Variants in CAMK4 observed in about 807,000 individuals in gnomAD.
CAMK4 encodes the protein calcium/calmodulin-dependent protein kinase type IV.
Under a neutral mutation model 44.9 loss-of-function variants are expected in CAMK4, and 22 were observed. The observed-to-expected ratio is 0.49, with a 90% CI of 0.35 to 0.70. The LOEUF (loss-of-function observed/expected upper bound fraction) is 0.70, where lower values mean the gene tolerates loss of function less well. Ranked by LOEUF, CAMK4 falls within the 30% of genes least tolerant of loss-of-function variation. The pLI is 0.01. For missense variants in CAMK4, 498 were observed against 586.8 expected, an observed-to-expected ratio of 0.85 and a Z score of 1.56; for synonymous variants, 218 against 215.4, an observed-to-expected ratio of 1.01 and a Z score of -0.11.
rs549788240 is a variant in CAMK4, at chr5:111,324,068, T to A, written c.162-19956T>A. Among the ~76,000 whole-genome samples the A allele has an allele frequency of 5.5e-4, 83 of 152,024 alleles. 3 individuals are homozygous for A. In the South Asian group the frequency reaches 0.016, roughly 30 times the overall value. On this transcript the variant is annotated intron_variant, in intron 1 of 10. Coordinates refer to ENST00000282356, the MANE Select transcript of CAMK4 (RefSeq NM_001744.6). ...ATACTATAATCCTGAGGACAACCACTAACAAAATAATAAAATATCCCTTAA... is the reference window on the plus strand; with the variant it reads ...ATACTATAATCCTGAGGACAACCACAAACAAAATAATAAAATATCCCTTAA...
At chr5:111,357,059 G>A (rs1580644873) in intron 2 of CAMK4, among the ~76,000 whole-genome samples, 1 of 152,148 alleles carries the variant, frequency 6.6e-6, no homozygotes, top group East Asian at 1.9e-4. Flanking sequence ...CTCAAATTAT[G>A]ACATTTAACC....
intron 5 of CAMK4, among the ~76,000 whole-genome samples, chr5:111,442,181 A>T (rs759312181): frequency 2.6e-5 from 4 of 152,136 alleles, no homozygotes; most frequent in Non-Finnish European, 5.9e-5. Context: ...TGTGATGTCA[A>T]AATCATTTTA....
intron 1 of CAMK4, among the ~76,000 whole-genome samples, chr5:111,301,217 A>T (rs1219597935): frequency 6.6e-6 from 1 of 152,220 alleles, no homozygotes; most frequent in Non-Finnish European, 1.5e-5. Flanking sequence ...TCCTAGCATA[A>T]TTGAAAAGAT....
intron 4 of CAMK4, among the ~76,000 whole-genome samples, chr5:111,380,964 G>A (rs1432702447): frequency 2.0e-5 from 3 of 152,094 alleles, no homozygotes; most frequent in African/African-American, 7.2e-5. Context: ...TCAACTTTAA[G>A]CCAGGGCATT....
intron 1 of CAMK4, among the ~76,000 whole-genome samples, chr5:111,232,601 G>T (rs981877919): frequency 2.0e-5 from 3 of 152,098 alleles, no homozygotes; most frequent in African/African-American, 7.2e-5. Flanking sequence ...GAGTAGGCTT[G>T]TGTCACTTGA....
At chr5:111,366,231 C>G (rs1750788750) in intron 2 of CAMK4, among the ~76,000 whole-genome samples, 1 of 152,052 alleles carries the variant, frequency 6.6e-6, no homozygotes, top group Non-Finnish European at 1.5e-5. Flanking sequence ...AAGCCAAAGA[C>G]AGAATACAGA....
chr5:111,451,059 A>G (rs1754214791), intron 7 of CAMK4, among the ~76,000 whole-genome samples: 2 of 152,196 alleles, frequency 1.3e-5, no homozygotes, highest in African/African-American at 2.4e-5. Context: ...TGAAGCATAT[A>G]TGTGATTAAA....
In CAMK4 at chr5:111,293,671, C is replaced by T. The variant is rs187769496; in HGVS notation, c.162-50353C>T. On this transcript the variant is annotated intron_variant, in intron 1 of 10. Transcript: ENST00000282356. ...CGAACTACTGACCTTGTGATCCACCCGCCTCAGCCTCCCAAAGTGCTGTGA... is the reference window on the plus strand; with the variant it reads ...CGAACTACTGACCTTGTGATCCACCTGCCTCAGCCTCCCAAAGTGCTGTGA... Among the ~76,000 whole-genome samples, 1,218 of 151,634 alleles carry T rather than the reference C, an allele frequency of 8.0e-3. 51 individuals carry two copies. Among genetic ancestry groups the T allele is most frequent in the Admixed American group, 0.066 (1,011 of 15,236 alleles).
At chr5:111,480,288 A>ACACACACACACACACACACACACACC (rs1364533152) in intron 9 of CAMK4, among the ~76,000 whole-genome samples, 2 of 145,116 alleles carry the variant, frequency 1.4e-5, no homozygotes, top group African/African-American at 5.2e-5. Context: ...ACACACACAC[A>ACACACACACACACACACACACACACC]CCCCTGGGTA....
At chr5:111,442,674 A>T (rs1036288743) in intron 5 of CAMK4, among the ~76,000 whole-genome samples, 8 of 149,640 alleles carry the variant, frequency 5.3e-5, no homozygotes, top group Non-Finnish European at 1.0e-4. Flanking sequence ...GAAATTTACA[A>T]AACTGAAAGA....
intron 5 of CAMK4, among the ~76,000 whole-genome samples, chr5:111,415,126 C>A (rs1003945659): frequency 1.3e-5 from 2 of 152,202 alleles, no homozygotes; most frequent in East Asian, 1.9e-4. Context: ...TGGTCAGCTG[C>A]TGACTAAAAT....
chr5:111,340,871 T>C (rs1425058883), intron 1 of CAMK4, among the ~76,000 whole-genome samples: 1 of 151,054 alleles, frequency 6.6e-6, no homozygotes, highest in Non-Finnish European at 1.5e-5. Context: ...TGGGAAACTA[T>C]TACAATTTCA....
intron 7 of CAMK4, among the ~76,000 whole-genome samples, chr5:111,472,307 C>T (rs918578339): frequency 1.1e-4 from 16 of 152,138 alleles, no homozygotes; most frequent in Non-Finnish European, 2.4e-4. Flanking sequence ...ATGGTGTCCT[C>T]ATCCCCAAGG....
intron 1 of CAMK4, among the ~76,000 whole-genome samples, chr5:111,261,546 T>C (rs1749975785): frequency 2.7e-5 from 4 of 148,196 alleles, no homozygotes; most frequent in Non-Finnish European, 5.9e-5. Flanking sequence ...ATAGTTTCCT[T>C]CTCTGACCCT....
At chr5:111,266,237 C>G (rs1750238893) in intron 1 of CAMK4, 1 of 107,296 alleles carries the variant, frequency 9.3e-6, no homozygotes, top group East Asian at 2.8e-4. Context: ...CACACACACA[C>G]ACACAGAAAG....
At chr5:111,327,025 T>C (rs1748922329) in intron 1 of CAMK4, among the ~76,000 whole-genome samples, 1 of 151,978 alleles carries the variant, frequency 6.6e-6, no homozygotes, top group Admixed American at 6.6e-5. Context: ...ATTATTATTA[T>C]ACTTTAAGTT....
chr5:111,421,449 G>A (rs1488426062), intron 5 of CAMK4, among the ~76,000 whole-genome samples: 2 of 152,188 alleles, frequency 1.3e-5, no homozygotes, highest in Non-Finnish European at 2.9e-5. Context: ...CTTTATAGAT[G>A]TTCAGCATCC....
In CAMK4 at chr5:111,332,076, T is replaced by C. The variant is rs373236819; in HGVS notation, c.162-11948T>C. Among the ~76,000 whole-genome samples, 25 of 151,756 alleles carry C rather than the reference T, an allele frequency of 1.6e-4. 1 individual carries two copies. In the South Asian group the frequency reaches 5.0e-3, roughly 30 times the overall value. On this transcript the variant is annotated intron_variant, in intron 1 of 10. Transcript: ENST00000282356. ...TCACACCCACACAATTTAAGCATCCTTTTCTTTTTTATTATTATTATACTT... is the reference window on the plus strand; with the variant it reads ...TCACACCCACACAATTTAAGCATCCCTTTCTTTTTTATTATTATTATACTT...
chr5:111,283,858 T>C (rs1288400686), intron 1 of CAMK4, among the ~76,000 whole-genome samples: 1 of 152,212 alleles, frequency 6.6e-6, no homozygotes, highest in African/African-American at 2.4e-5. Flanking sequence ...CTGTTTAAAA[T>C]AGTAACATAT....
Sources: gnomAD v4.1 joint callset for allele counts (sites outside exome capture counted in the v4.1 genomes callset) on GRCh38, gnomAD v4.1.1 for gene constraint, MANE v1.5 for transcripts, NCBI Gene and HGNC (gene_info 2026-07-23, HGNC 2026-07-21) for gene names.